MAGI2: variants seen among roughly 807,000 people sequenced by gnomAD.
The protein encoded by MAGI2 is membrane associated guanylate kinase, WW and PDZ domain containing 2.
Under a neutral mutation model 133.3 loss-of-function variants are expected in MAGI2, and 35 were observed. The observed-to-expected ratio is 0.26, with a 90% confidence interval of 0.20 to 0.35. MAGI2 has a LOEUF of 0.35. Ranked by LOEUF, MAGI2 falls within the 10% of genes least tolerant of loss-of-function variation. MAGI2 has a pLI of 1.00. For synonymous variants in MAGI2, 729 were observed against 710.6 expected (o/e 1.03, Z -0.41); for missense variants, 1,636 against 1,863.4 (o/e 0.88, Z 2.25).
chr7:79,185,844 G>A (rs1420982472), intron 1 of MAGI2, among the ~76,000 whole-genome samples: 2 of 151,718 alleles, frequency 1.3e-5, no homozygotes, highest in African/African-American at 4.8e-5. Context: ...AAGAAACACA[G>A]TTGAAGCTCA....
intron 7 of MAGI2, among the ~76,000 whole-genome samples, chr7:78,354,739 G>A (rs1233945299): frequency 2.6e-5 from 4 of 152,166 alleles, no homozygotes; most frequent in Non-Finnish European, 4.4e-5. Flanking sequence ...GCTAGAATGG[G>A]ATGCAAGAGG....
At chr7:78,744,790 T>C (rs1298139577) in intron 2 of MAGI2, among the ~76,000 whole-genome samples, 1 of 152,216 alleles carries the variant, frequency 6.6e-6, no homozygotes, top group Non-Finnish European at 1.5e-5. Context: ...ACAGACAATT[T>C]AGTCATATAG....
chr7:79,374,309 T>C (rs1267640107), intron 1 of MAGI2, among the ~76,000 whole-genome samples: 1 of 141,410 alleles, frequency 7.1e-6, no homozygotes, highest in Non-Finnish European at 1.5e-5. Flanking sequence ...AAAGGGGAAA[T>C]TTGGACACAC....
At chr7:78,558,874 T>C (rs1352837387) in intron 3 of MAGI2, among the ~76,000 whole-genome samples, 1 of 145,754 alleles carries the variant, frequency 6.9e-6, no homozygotes, top group African/African-American at 2.5e-5. Flanking sequence ...AGCCTTGTAG[T>C]CAACACACCA....
intron 2 of MAGI2, among the ~76,000 whole-genome samples, chr7:78,810,140 A>T (rs1287163390): frequency 6.6e-6 from 1 of 152,148 alleles, no homozygotes; most frequent in African/African-American, 2.4e-5. Flanking sequence ...CTGGTTAATG[A>T]AATTGGTATA....
chr7:79,102,340 T>C (rs1024400451), intron 1 of MAGI2, among the ~76,000 whole-genome samples: 1 of 152,196 alleles, frequency 6.6e-6, no homozygotes, highest in Non-Finnish European at 1.5e-5. Flanking sequence ...ATTTGATTGC[T>C]TCCTTAAAAG....
At chr7:78,336,115 G>A (rs1395499720) in intron 9 of MAGI2, among the ~76,000 whole-genome samples, 1 of 152,180 alleles carries the variant, frequency 6.6e-6, no homozygotes, top group East Asian at 1.9e-4. Flanking sequence ...TAGAGGGTGG[G>A]AAGGGACAGG....
intron 7 of MAGI2, among the ~76,000 whole-genome samples, chr7:78,357,245 T>C (rs533211234): frequency 9.8e-5 from 15 of 152,316 alleles, no homozygotes; most frequent in Non-Finnish European, 2.1e-4. Context: ...ATTTTCTCTG[T>C]TTGTAAAACA....
chr7:79,208,732 A>G lies in MAGI2; in HGVS notation c.302-201526T>C, dbSNP rs182946395. ...ATGTTGAAGAGATCGCTGCACTTCC[A>G]TGTTTATTATAACATTATTTACAAT... On this transcript the variant is annotated intron_variant, in intron 1 of 21. Coordinates refer to ENST00000354212, the MANE Select transcript of MAGI2 (RefSeq NM_012301.4). Among the ~76,000 whole-genome samples the G allele has an allele frequency of 1.4e-4, 21 of 152,158 alleles. 1 individual carries two copies. The East Asian group carries it at 3.9e-3, about 28-fold the overall frequency.
At chr7:78,522,704 T>G (rs1053426563) in intron 3 of MAGI2, among the ~76,000 whole-genome samples, 11 of 152,208 alleles carry the variant, frequency 7.2e-5, no homozygotes, top group Non-Finnish European at 1.6e-4. Flanking sequence ...ATGTTCAAGG[T>G]AAAACACTTT....
At chr7:78,209,086 G>A (rs1192157603) in intron 10 of MAGI2, among the ~76,000 whole-genome samples, 5 of 135,118 alleles carry the variant, frequency 3.7e-5, no homozygotes, top group African/African-American at 1.3e-4. Flanking sequence ...GCCGGGCGTG[G>A]TGGCGGGCGC....
intron 2 of MAGI2, among the ~76,000 whole-genome samples, chr7:79,002,377 C>A (rs1222990757): frequency 1.3e-5 from 2 of 151,796 alleles, no homozygotes; most frequent in Admixed American, 1.3e-4. Flanking sequence ...CTTCTGGGCT[C>A]AAGTTCCTAA....
intron 2 of MAGI2, among the ~76,000 whole-genome samples, chr7:78,783,948 C>G (rs1347555173): frequency 6.6e-6 from 1 of 152,106 alleles, no homozygotes; most frequent in East Asian, 1.9e-4. Context: ...TACGGAAACA[C>G]CCGTTTTCTT....
At chr7:78,374,419 T>G (rs1396773104) in intron 6 of MAGI2, among the ~76,000 whole-genome samples, 2 of 152,170 alleles carry the variant, frequency 1.3e-5, no homozygotes, top group Admixed American at 6.6e-5. Flanking sequence ...ATTTGTTTTT[T>G]GCTTCTTCAA....
intron 2 of MAGI2, among the ~76,000 whole-genome samples, chr7:78,740,036 C>T (rs1311694240): frequency 6.6e-6 from 1 of 152,074 alleles, no homozygotes; most frequent in Non-Finnish European, 1.5e-5. Flanking sequence ...TGGCGGGCGC[C>T]TGTAGTCCCA....
intron 21 of MAGI2, among the ~76,000 whole-genome samples, chr7:78,042,246 T>C (rs1810930403): frequency 6.6e-6 from 1 of 152,218 alleles, no homozygotes; most frequent in Admixed American, 6.5e-5. Context: ...TTGAGGAATA[T>C]GTTCTTTGGC....
chr7:78,605,870 C>G (rs973370360), intron 3 of MAGI2, among the ~76,000 whole-genome samples: 1 of 152,038 alleles, frequency 6.6e-6, no homozygotes, highest in African/African-American at 2.4e-5. Flanking sequence ...GGGAGGTACT[C>G]GAGCAGAAAA....
intron 2 of MAGI2, among the ~76,000 whole-genome samples, chr7:78,859,631 C>A (rs1411055759): frequency 6.6e-6 from 1 of 152,156 alleles, no homozygotes; most frequent in Non-Finnish European, 1.5e-5. Flanking sequence ...ATGGGCTTCC[C>A]TTTGTGGGTA....
Position 78,209,153 on chromosome 7 carries a change from C to T in MAGI2, c.2048-7960G>A, listed in dbSNP as rs1478787440. Among the ~76,000 whole-genome samples, 10 of 56,514 alleles carry T rather than the reference C, an allele frequency of 1.8e-4. 1 individual carries two copies. The highest frequency in any genetic ancestry group is 1.3e-3 in the East Asian group (2 of 1,504). The allele number at this position is 56,514 out of a possible 152,430, so 37.1% of individuals were successfully genotyped here. ...AGGAGAATGGCGTGAACCCGGGAGGCGGAGCTTGCAGTGAGCTGAGATCGC... is the reference window on the plus strand; with the variant it reads ...AGGAGAATGGCGTGAACCCGGGAGGTGGAGCTTGCAGTGAGCTGAGATCGC... On this transcript the variant is annotated intron_variant, in intron 10 of 21. Coordinates refer to ENST00000354212, the MANE Select transcript of MAGI2 (RefSeq NM_012301.4).
Sources: gnomAD v4.1 joint callset for allele counts (sites outside exome capture counted in the v4.1 genomes callset) on GRCh38, gnomAD v4.1.1 for gene constraint, MANE v1.5 for transcripts, NCBI Gene and HGNC (gene_info 2026-07-23, HGNC 2026-07-21) for gene names.